The following GRAMD2B variants were observed in gnomAD, a reference collection of about 807,000 sequenced individuals.
GRAMD2B encodes GRAM domain containing 2B, also known as GRAM domain-containing protein 2B.
A neutral mutation model predicts 59.2 loss-of-function variants in GRAMD2B; 41 were observed. The ratio of observed to expected loss-of-function variants is 0.69; its 90% CI spans 0.54 to 0.90. The LOEUF is 0.90. Ranked by LOEUF, GRAMD2B falls within the 40% of genes least tolerant of loss-of-function variation. The pLI is 0.00. For missense variants in GRAMD2B, 424 were observed against 500.5 expected, an observed-to-expected ratio of 0.85 and a Z score of 1.46; for synonymous variants, 161 against 182.7, an observed-to-expected ratio of 0.88 and a Z score of 0.96.
intron 1 of GRAMD2B, among the ~76,000 whole-genome samples, chr5:126,364,457 T>C (rs1400394139): frequency 6.6e-6 from 1 of 152,160 alleles, no homozygotes; most frequent in Non-Finnish European, 1.5e-5. Context: ...AAAATGAAAG[T>C]GTAGGTTGTA....
chr5:126,482,031 T>A (rs1329635277), intron 8 of GRAMD2B, among the ~76,000 whole-genome samples: 5 of 150,398 alleles, frequency 3.3e-5, no homozygotes, highest in Non-Finnish European at 7.4e-5. Flanking sequence ...GCAATATAGA[T>A]GGACCTTGAA....
intron 1 of GRAMD2B, among the ~76,000 whole-genome samples, chr5:126,449,795 A>T (rs1471680955): frequency 1.3e-5 from 2 of 152,156 alleles, no homozygotes; most frequent in African/African-American, 4.8e-5. Flanking sequence ...ACTTGGTGGG[A>T]TATGGCATGA....
chr5:126,382,778 A>G (rs1755770181), intron 1 of GRAMD2B, among the ~76,000 whole-genome samples: 1 of 152,084 alleles, frequency 6.6e-6, no homozygotes, highest in African/African-American at 2.4e-5. Context: ...GTTTTGTCAT[A>G]TTACCGGAAT....
intron 1 of GRAMD2B, among the ~76,000 whole-genome samples, chr5:126,365,680 A>G (rs1335673820): frequency 4.6e-5 from 7 of 150,968 alleles, no homozygotes; most frequent in African/African-American, 1.7e-4. Context: ...CGCTGTGGAA[A>G]TTGGCCAGTG....
intron 1 of GRAMD2B, chr5:126,465,182 C>A: frequency 2.2e-6 from 3 of 1,358,252 alleles, no homozygotes; most frequent in Non-Finnish European, 2.8e-6. Flanking sequence ...ACCTGGGAGC[C>A]AGCAAGTCCA....
intron 5 of GRAMD2B, among the ~76,000 whole-genome samples, chr5:126,475,872 G>A (rs1299398268): frequency 2.0e-5 from 3 of 152,204 alleles, no homozygotes; most frequent in Non-Finnish European, 4.4e-5. Flanking sequence ...ACTTTGGGAG[G>A]CCGAGGCAGG....
At chr5:126,455,446 G>A (rs1468281378) in intron 1 of GRAMD2B, among the ~76,000 whole-genome samples, 1 of 151,842 alleles carries the variant, frequency 6.6e-6, no homozygotes, top group Admixed American at 6.6e-5. Flanking sequence ...ACAAACTGTT[G>A]GATTTCCTTG....
intron 1 of GRAMD2B, chr5:126,433,545 G>A (rs958551499): frequency 2.6e-5 from 4 of 152,168 alleles, no homozygotes; most frequent in African/African-American, 9.7e-5. Context: ...CTAATGTTCT[G>A]TAGAAGACAA....
At chr5:126,395,900 A>G (rs1237435056) in intron 1 of GRAMD2B, among the ~76,000 whole-genome samples, 3 of 152,242 alleles carry the variant, frequency 2.0e-5, no homozygotes, top group African/African-American at 4.8e-5. Flanking sequence ...AATGATTACC[A>G]CAATTGAGTT....
intron 1 of GRAMD2B, among the ~76,000 whole-genome samples, chr5:126,395,921 T>A (rs1757329252): frequency 1.3e-5 from 2 of 152,230 alleles, no homozygotes; most frequent in South Asian, 4.1e-4. Flanking sequence ...AATTAACATA[T>A]CCATTACCTC....
chr5:126,447,929 G>A (rs1196552694), intron 1 of GRAMD2B, among the ~76,000 whole-genome samples: 5 of 151,502 alleles, frequency 3.3e-5, no homozygotes, highest in East Asian at 2.0e-4. Flanking sequence ...GCATGATCTC[G>A]GCTTACTGCA....
At chr5:126,459,272 A>G (rs1005247285) in intron 1 of GRAMD2B, among the ~76,000 whole-genome samples, 9 of 152,174 alleles carry the variant, frequency 5.9e-5, no homozygotes, top group African/African-American at 1.9e-4. Context: ...CCAGCCGCTA[A>G]TATCCACTTA....
In GRAMD2B at chr5:126,477,713, G is replaced by A. The variant is rs1382756706; in HGVS notation, c.508G>A (p.Val170Ile). ...DTKISIPAFS[V>I]TLIKKTKTAL... ...TCAGATCTCTATTCCAGCTTTCTCG[G>A]TAACCCTAATAAAGAAAACCAAAAC... Residue 170 changes from valine to isoleucine, a missense_variant, in exon 6 of 14, where the codon GTA (valine) becomes ATA (isoleucine). Val to Ile is a conservative substitution (Grantham distance 29). Transcript: ENST00000285689. 2 of 1,607,434 alleles carry A rather than the reference G, an allele frequency of 1.2e-6. No individual in the cohort carries two copies. The highest frequency in any genetic ancestry group is 1.7e-6 in the Non-Finnish European group (2 of 1,174,048).
intron 1 of GRAMD2B, chr5:126,464,983 C>A: frequency 1.1e-6 from 1 of 882,908 alleles, no homozygotes; most frequent in Non-Finnish European, 1.4e-6. Flanking sequence ...CTTGGTTAAA[C>A]AACATGTAAG....
intron 1 of GRAMD2B, among the ~76,000 whole-genome samples, chr5:126,435,547 C>G (rs9327405): frequency 0.15 from 22,212 of 152,096 alleles, 3,574 homozygotes; most frequent in African/African-American, 0.4. Flanking sequence ...CCTTCTTTTC[C>G]GGCTTTGGGC....
chr5:126,366,907 T>G (rs2149686513), upstream of GRAMD2B, among the ~76,000 whole-genome samples: 1 of 140,228 alleles, frequency 7.1e-6, no homozygotes. Flanking sequence ...CAAGCTGGAG[T>G]GCAGTGGCGC....
intron 1 of GRAMD2B, among the ~76,000 whole-genome samples, chr5:126,412,773 G>C (rs1361782967): frequency 6.6e-6 from 1 of 151,882 alleles, no homozygotes; most frequent in Non-Finnish European, 1.5e-5. Flanking sequence ...TTTTATTACT[G>C]ATTTCAATTT....
At chr5:126,414,533 G>A (rs1260288407) in intron 1 of GRAMD2B, among the ~76,000 whole-genome samples, 1 of 152,132 alleles carries the variant, frequency 6.6e-6, no homozygotes, top group Non-Finnish European at 1.5e-5. Context: ...GTCAGTCATG[G>A]CTCACTCTAG....
intron 1 of GRAMD2B, among the ~76,000 whole-genome samples, chr5:126,362,529 G>A (rs1754266940): frequency 6.6e-6 from 1 of 151,946 alleles, no homozygotes. Flanking sequence ...AAGAATTAAG[G>A]AAAAGTACCA....
Sources: gnomAD v4.1 joint callset for allele counts (sites outside exome capture counted in the v4.1 genomes callset) on GRCh38, gnomAD v4.1.1 for gene constraint, MANE v1.5 for transcripts, NCBI Gene and HGNC (gene_info 2026-07-23, HGNC 2026-07-21) for gene names.